DIAPH2: variants seen among roughly 807,000 people sequenced by gnomAD.
The protein encoded by DIAPH2 is protein diaphanous homolog 2.
DIAPH2 carries 35 observed loss-of-function variants against 92.7 expected under a neutral mutation model. That is an observed-to-expected ratio of 0.38 (90% CI 0.29 to 0.50). The LOEUF (loss-of-function observed/expected upper bound fraction) is 0.50. Ranked by LOEUF, DIAPH2 falls within the 20% of genes least tolerant of loss-of-function variation. The pLI, the probability that DIAPH2 is intolerant of heterozygous loss-of-function variation, is 0.94. For missense variants in DIAPH2, 701 were observed against 819.5 expected (o/e 0.86, Z 1.77); for synonymous variants, 301 against 280.4 (o/e 1.07, Z -0.73).
intron 26 of DIAPH2, among the ~76,000 whole-genome samples, chrX:97,555,916 G>A (rs1178846360): frequency 8.9e-6 from 1 of 111,871 alleles, no homozygotes; most frequent in African/African-American, 3.2e-5. Flanking sequence ...AGCGCCAATC[G>A]CAGTTACTCT....
chrX:97,572,395 C>T (rs1846009434), intron 26 of DIAPH2, among the ~76,000 whole-genome samples: 1 of 110,486 alleles, frequency 9.1e-6, no homozygotes, highest in Non-Finnish European at 1.9e-5. Flanking sequence ...TGTTAAATAC[C>T]CATAATGTTG....
At position 97,561,827 on chromosome X, in the gene DIAPH2, A is replaced by T. The variant is rs187843561; in HGVS notation, c.3242-37426A>T. ...GAGTGGCTTGTGCTGAAGAACCAGA[A>T]CTAGAAAGAAAATGTAAAATGAAAA... On this transcript the variant is annotated intron_variant, in intron 26 of 26. Transcript: ENST00000324765. 5.3e-5 allele frequency among the ~76,000 whole-genome samples: 6 copies of T among 112,676 alleles called. No individual in the cohort carries two copies. The East Asian group carries it at 1.1e-3, about 21-fold the overall frequency.
Position 96,811,793 on chromosome X carries a change from C to G in DIAPH2, c.447+53535C>G, listed in dbSNP as rs7053089. ...ATTGAGATAACCATGTGGTTTTTGT[C>G]TTTGGTTCTGTTTATATGCTGGATT... On this transcript the variant is annotated intron_variant, in intron 4 of 26. Coordinates refer to ENST00000324765, the MANE Select transcript of DIAPH2 (RefSeq NM_006729.5). 1.7e-3 allele frequency among the ~76,000 whole-genome samples: 187 copies of G among 111,473 alleles called. 2 individuals are homozygous for G. Among genetic ancestry groups the G allele is most frequent in the African/African-American group, 5.8e-3 (179 of 30,700 alleles).
intron 23 of DIAPH2, among the ~76,000 whole-genome samples, chrX:97,330,604 C>T (rs1458358753): frequency 9.2e-6 from 1 of 109,176 alleles, no homozygotes; most frequent in African/African-American, 3.3e-5. Flanking sequence ...CATCTGCCTC[C>T]CAGGTTCAAG....
chrX:96,855,588 A>G (rs2065034699), intron 4 of DIAPH2, among the ~76,000 whole-genome samples: 1 of 109,191 alleles, frequency 9.2e-6, no homozygotes, highest in African/African-American at 3.3e-5. Context: ...ATATAAATAT[A>G]GATATAAATA....
chrX:97,239,771 C>T (rs756008236), intron 22 of DIAPH2, among the ~76,000 whole-genome samples: 1 of 109,986 alleles, frequency 9.1e-6, no homozygotes, highest in South Asian at 4.0e-4. Context: ...TTCTAACCCA[C>T]TCTGGTACTT....
chrX:97,292,882 T>C (rs751764484), intron 23 of DIAPH2, among the ~76,000 whole-genome samples: 2 of 111,628 alleles, frequency 1.8e-5, no homozygotes, highest in African/African-American at 6.5e-5. Context: ...GGATATAAAT[T>C]CTTAATAAAC....
intron 22 of DIAPH2, among the ~76,000 whole-genome samples, chrX:97,209,833 C>A (rs1282625550): frequency 9.0e-6 from 1 of 110,761 alleles, no homozygotes; most frequent in Non-Finnish European, 1.9e-5. Context: ...TTGTTAGGAC[C>A]ATTTATAATC....
chrX:97,454,576 C>T (rs2070386484), intron 26 of DIAPH2, among the ~76,000 whole-genome samples: 1 of 110,677 alleles, frequency 9.0e-6, no homozygotes, highest in Non-Finnish European at 1.9e-5. Context: ...TAATAATTGG[C>T]TGGGTGCGGT....
chrX:97,426,352 G>A (rs2070064072), intron 25 of DIAPH2, among the ~76,000 whole-genome samples: 1 of 107,286 alleles, frequency 9.3e-6, no homozygotes, highest in African/African-American at 3.4e-5. Flanking sequence ...GCAGTGGCGT[G>A]ATCTCGGCTC....
chrX:96,919,565 C>T (rs754132414), intron 9 of DIAPH2, among the ~76,000 whole-genome samples: 6 of 111,506 alleles, frequency 5.4e-5, no homozygotes, highest in South Asian at 3.7e-4. Flanking sequence ...TACTTAGCAT[C>T]GAATGTTTAA....
intron 22 of DIAPH2, among the ~76,000 whole-genome samples, chrX:97,159,446 C>A (rs1200768860): frequency 2.7e-5 from 3 of 111,950 alleles, no homozygotes; most frequent in Non-Finnish European, 3.8e-5. Flanking sequence ...TCTAATTAGT[C>A]CTTGTAGCCA....
chrX:96,837,433 C>CTGTGTGTGTG (rs1168572857), intron 4 of DIAPH2, among the ~76,000 whole-genome samples: 3 of 41,345 alleles, frequency 7.3e-5, no homozygotes, highest in East Asian at 1.6e-3. Flanking sequence ...CTCTCTCTCT[C>CTGTGTGTGTG]TGTGTGTGTG....
At chrX:97,071,788 A>T (rs2066670940) in intron 17 of DIAPH2, among the ~76,000 whole-genome samples, 1 of 111,962 alleles carries the variant, frequency 8.9e-6, no homozygotes, top group Non-Finnish European at 1.9e-5. Flanking sequence ...TTTTTCTCTA[A>T]AAAAGAAAAT....
At position 97,570,023 on chromosome X, in the gene DIAPH2, C is replaced by G. The variant is rs528559595; in HGVS notation, c.3242-29230C>G. 9.2e-4 allele frequency among the ~76,000 whole-genome samples: 80 copies of G among 87,216 alleles called. 1 individual carries two copies. In the South Asian group the frequency reaches 0.032, roughly 35 times the overall value. The allele number at this position is 87,216 out of a possible 115,157, so 75.7% of individuals were successfully genotyped here. A position where few individuals can be genotyped will look rare whatever the true frequency, so the allele number is the denominator to read the frequency against. Reference sequence around the variant, plus strand: ...TAAATTTCCTGTCAGCTCTAAAATTCTATGTTCCATTGATTATCCTCAAAC... The same window carrying G: ...TAAATTTCCTGTCAGCTCTAAAATTGTATGTTCCATTGATTATCCTCAAAC... On this transcript the variant is annotated intron_variant, in intron 26 of 26. Coordinates refer to ENST00000324765, the MANE Select transcript of DIAPH2 (RefSeq NM_006729.5).
chrX:96,982,774 A>G (rs1036698097), intron 17 of DIAPH2, among the ~76,000 whole-genome samples: 24 of 112,534 alleles, frequency 2.1e-4, no homozygotes, highest in African/African-American at 2.6e-4. Flanking sequence ...AAATATTAAT[A>G]TAGCTGCATG....
At chrX:97,168,843 G>A (rs968556665) in intron 22 of DIAPH2, among the ~76,000 whole-genome samples, 1 of 112,334 alleles carries the variant, frequency 8.9e-6, no homozygotes, top group African/African-American at 3.2e-5. Context: ...ACATGTCAGA[G>A]AGAGCAGACA....
intron 22 of DIAPH2, among the ~76,000 whole-genome samples, chrX:97,204,455 TA>T (rs1317370957): frequency 8.9e-6 from 1 of 111,891 alleles, no homozygotes; most frequent in African/African-American, 3.3e-5. Flanking sequence ...CTTAAGCTGA[TA>T]AACAACTTCA....
chrX:97,556,928 C>T (rs2071261299), intron 26 of DIAPH2, among the ~76,000 whole-genome samples: 1 of 111,678 alleles, frequency 9.0e-6, no homozygotes, highest in Non-Finnish European at 1.9e-5. Context: ...TATGGGAACA[C>T]AGAAAAACAG....
Sources: allele counts gnomAD v4.1 joint callset (sites outside exome capture counted in the v4.1 genomes callset), GRCh38; gene constraint gnomAD v4.1.1; transcripts MANE v1.5; gene names NCBI Gene and HGNC (gene_info 2026-07-23, HGNC 2026-07-21).